EDNRB: variants seen among roughly 807,000 people sequenced by gnomAD.
The protein encoded by EDNRB is endothelin receptor type B.
Under a neutral mutation model 46.4 loss-of-function variants are expected in EDNRB, and 18 were observed. That is an observed-to-expected ratio of 0.39 (90% confidence interval 0.27 to 0.57). The LOEUF (loss-of-function observed/expected upper bound fraction) is 0.57, where lower values mean the gene tolerates loss of function less well. Ranked by LOEUF, EDNRB falls within the 20% of genes least tolerant of loss-of-function variation. EDNRB has a pLI of 0.61. For synonymous variants in EDNRB, 213 were observed against 204.9 expected, an observed-to-expected ratio of 1.04 and a Z score of -0.34; for missense variants, 434 against 537.5, an observed-to-expected ratio of 0.81 and a Z score of 1.90.
At chr13:77,933,851 C>T (rs1045940133) in intron 1 of EDNRB, among the ~76,000 whole-genome samples, 12 of 152,022 alleles carry the variant, frequency 7.9e-5, no homozygotes, top group Non-Finnish European at 1.5e-5. Flanking sequence ...TTAGAAGAAA[C>T]ATTTGTCATT....
chr13:77,913,495 G>C (rs947198388), intron 1 of EDNRB, among the ~76,000 whole-genome samples: 6 of 152,110 alleles, frequency 3.9e-5, no homozygotes, highest in Non-Finnish European at 8.8e-5. Context: ...TGTCTTATCA[G>C]TTTGCAAGTA....
At chr13:77,967,743 C>T (rs930190267) in intron 1 of EDNRB, among the ~76,000 whole-genome samples, 1 of 152,110 alleles carries the variant, frequency 6.6e-6, no homozygotes, top group Non-Finnish European at 1.5e-5. Context: ...AGTTGACACA[C>T]TTTGTTTTGC....
intron 1 of EDNRB, among the ~76,000 whole-genome samples, chr13:77,906,527 T>C (rs1277297365): frequency 6.6e-6 from 1 of 152,018 alleles, no homozygotes; most frequent in Admixed American, 6.6e-5. Context: ...TTCCTCTCTC[T>C]TGGAACACTT....
At chr13:77,973,991 T>A (rs1881811567) in intron 1 of EDNRB, among the ~76,000 whole-genome samples, 1 of 151,962 alleles carries the variant, frequency 6.6e-6, no homozygotes, top group Non-Finnish European at 1.5e-5. Flanking sequence ...ACTTCTTTTG[T>A]GTCTGTGGAC....
chr13:77,933,371 A>G (rs1447021071), intron 1 of EDNRB, among the ~76,000 whole-genome samples: 1 of 152,152 alleles, frequency 6.6e-6, no homozygotes, highest in Non-Finnish European at 1.5e-5. Context: ...TGGGTAGGTA[A>G]AGGAAAATTA....
chr13:77,954,517 T>TTTA (rs1176179425), intron 1 of EDNRB, among the ~76,000 whole-genome samples: 4 of 150,484 alleles, frequency 2.7e-5, no homozygotes, highest in Admixed American at 6.6e-5. Flanking sequence ...TATTTATTTA[T>TTTA]TTATTTATTT....
In EDNRB at chr13:77,915,367, A is replaced by C. The variant is rs144805946; in HGVS notation, c.483+2724T>G. Among the ~76,000 whole-genome samples the C allele has an allele frequency of 1.3e-4, 20 of 152,320 alleles. 1 individual carries two copies. The highest frequency in any genetic ancestry group is 3.6e-4 in the African/African-American group (15 of 41,576). On this transcript the variant is annotated intron_variant, in intron 1 of 6. Coordinates refer to ENST00000646607, the MANE Select transcript of EDNRB (RefSeq NM_001122659.3). ...GTATTCTACTGTGGGATAGCATATT[A>C]TTTGCCATAATTCCACCAAATGCTC...
chr13:77,907,914 A>G (rs1427330163), intron 1 of EDNRB, among the ~76,000 whole-genome samples: 1 of 151,666 alleles, frequency 6.6e-6, no homozygotes, highest in Non-Finnish European at 1.5e-5. Flanking sequence ...ACACAAACTG[A>G]AAATTATAAC....
chr13:77,958,344 T>TTTTATTTATTTA (rs147945804), intron 1 of EDNRB, among the ~76,000 whole-genome samples: 22 of 145,628 alleles, frequency 1.5e-4, no homozygotes, highest in Admixed American at 3.4e-4. Context: ...TCCCAGGTTA[T>TTTTATTTATTTA]TTTATTTATT....
chr13:77,920,384 A>G (rs1235770092), upstream of EDNRB, among the ~76,000 whole-genome samples: 2 of 152,202 alleles, frequency 1.3e-5, no homozygotes, highest in African/African-American at 4.8e-5. Flanking sequence ...AGGCTTGGAG[A>G]TGCACTGGAG....
intron 1 of EDNRB, among the ~76,000 whole-genome samples, chr13:77,931,672 G>A (rs961214739): frequency 1.5e-5 from 2 of 135,826 alleles, no homozygotes; most frequent in Non-Finnish European, 3.0e-5. Flanking sequence ...CTGAATTTGA[G>A]TTCCTTCTTC....
intron 1 of EDNRB, chr13:77,939,489 C>A (rs924961493): frequency 2.6e-5 from 4 of 152,116 alleles, no homozygotes; most frequent in African/African-American, 7.2e-5. Flanking sequence ...CAAAATAATA[C>A]TTTCTTCATA....
chr13:77,962,886 C>A (rs947372102), intron 1 of EDNRB, among the ~76,000 whole-genome samples: 27 of 152,264 alleles, frequency 1.8e-4, no homozygotes, highest in Admixed American at 3.3e-4. Flanking sequence ...TTGTCTCAAC[C>A]CAAAATCTCC....
chr13:77,953,709 T>A (rs1881156853), intron 1 of EDNRB, among the ~76,000 whole-genome samples: 1 of 152,208 alleles, frequency 6.6e-6, no homozygotes, highest in Non-Finnish European at 1.5e-5. Context: ...GGTAGAGAGA[T>A]GGATTTGGGG....
At chr13:77,975,478 T>C (rs2137700647) in exon 1 of EDNRB, 1 of 152,428 alleles carries the variant, frequency 6.6e-6, no homozygotes, top group East Asian at 1.9e-4. Flanking sequence ...TACCTGGGAG[T>C]GCTCTCAGGA....
intron 1 of EDNRB, chr13:77,944,727 A>T (rs1880855096): frequency 6.6e-6 from 1 of 152,176 alleles, no homozygotes; most frequent in South Asian, 2.1e-4. Context: ...TGGAGGGAGT[A>T]GTGTTTCCAG....
Position 77,936,012 on chromosome 13 carries a change from C to T in EDNRB, c.-51-17388G>A, listed in dbSNP as rs147660478. ...AGTTTATAGGCTTTAAAAGGCCATG[C>T]TATAACAGGTGAGTGATAACAGGCT... On this transcript the variant is annotated intron_variant, in intron 1 of 7. Transcript: ENST00000646948. Among the ~76,000 whole-genome samples the T allele has an allele frequency of 5.8e-3, 878 of 152,244 alleles. 6 individuals are homozygous for T. Among genetic ancestry groups the T allele is most frequent in the Non-Finnish European group, 8.4e-3 (573 of 68,006 alleles).
chr13:77,900,567 G>A lies in EDNRB; in HGVS notation c.1039C>T (p.Leu347Phe). The A allele has an allele frequency of 1.9e-6, 3 of 1,612,584 alleles. No homozygotes were observed. Among genetic ancestry groups the A allele is most frequent in the Non-Finnish European group, 1.7e-6 (2 of 1,179,102 alleles). The change falls in exon 5 of 7, where the codon CTC (leucine) becomes TTC (phenylalanine). Residue 347 changes from leucine (L) to phenylalanine (F), a missense_variant. Transcript: ENST00000646607. ...GGATCATTCTGATTATAAAGAGTGA[G>A]CTTCAGAATCCTGCTGAGGTGAAGG... is the stretch of plus-strand genomic sequence containing the variant. ...LPLHLSRILK[L>F]TLYNQNDPNR...
intron 1 of EDNRB, among the ~76,000 whole-genome samples, chr13:77,936,004 A>G (rs1880551018): frequency 6.6e-6 from 1 of 152,208 alleles, no homozygotes; most frequent in African/African-American, 2.4e-5. Flanking sequence ...AGGCTTTAAA[A>G]GGCCATGCTA....
Sources: gnomAD v4.1 joint callset for allele counts (sites outside exome capture counted in the v4.1 genomes callset) on GRCh38, gnomAD v4.1.1 for gene constraint, MANE v1.5 for transcripts, NCBI Gene and HGNC (gene_info 2026-07-23, HGNC 2026-07-21) for gene names.